Variants in PEX5L observed in about 807,000 individuals in gnomAD.
PEX5L encodes the protein PEX5-related protein.
Under a neutral mutation model 84.0 loss-of-function variants are expected in PEX5L, and 30 were observed. The observed-to-expected ratio is 0.36, with a 90% CI of 0.27 to 0.48. The LOEUF is 0.48. Among genes scored for constraint, PEX5L ranks in the 20% least tolerant of loss-of-function variants. The pLI is 0.99. For missense variants in PEX5L, 533 were observed against 754.6 expected (o/e 0.71, Z 3.44); for synonymous variants, 270 against 283.1 (o/e 0.95, Z 0.46).
At chr3:179,954,153 A>C (rs1267968552) in intron 2 of PEX5L, among the ~76,000 whole-genome samples, 1 of 147,518 alleles carries the variant, frequency 6.8e-6, no homozygotes, top group Non-Finnish European at 1.5e-5. Context: ...TGCCTTGGAT[A>C]CATTTACTAT....
chr3:179,923,290 C>CAAAAAAA (rs34537913), intron 2 of PEX5L, among the ~76,000 whole-genome samples: 27 of 81,044 alleles, frequency 3.3e-4, no homozygotes, highest in East Asian at 9.0e-4. Context: ...GACTCCATCT[C>CAAAAAAA]AAAAAAAAAA....
In PEX5L at chr3:180,010,393, G is replaced by A. The variant is rs75355465; in HGVS notation, c.21+26186C>T. ...TTTTGATTATTATAACTGGGAGGGT[G>A]CTAGTGGCATCTAGTGGGTAGACAA... On this transcript the variant is annotated intron_variant, in intron 1 of 14. Coordinates refer to ENST00000467460, the MANE Select transcript of PEX5L (RefSeq NM_016559.3). Among the ~76,000 whole-genome samples, 886 of 151,888 alleles carry A rather than the reference G, an allele frequency of 5.8e-3. 9 individuals carry two copies. The highest frequency in any genetic ancestry group is 0.02 in the African/African-American group (848 of 41,386).
intron 1 of PEX5L, chr3:179,973,875 T>C (rs1785380334): frequency 1.0e-6 from 1 of 985,374 alleles, no homozygotes; most frequent in African/African-American, 1.7e-5. Context: ...CTTAAACCTC[T>C]AGTCTCCAAA....
At chr3:179,890,416 C>T (rs955595681) in intron 3 of PEX5L, among the ~76,000 whole-genome samples, 3 of 152,092 alleles carry the variant, frequency 2.0e-5, no homozygotes, top group South Asian at 2.1e-4. Flanking sequence ...TTGTATAAAG[C>T]GCAAAGACTA....
intron 1 of PEX5L, among the ~76,000 whole-genome samples, chr3:180,024,693 A>C (rs1004681269): frequency 6.6e-6 from 1 of 151,898 alleles, no homozygotes; most frequent in Middle Eastern, 3.4e-3. Context: ...TGTGTGTGAG[A>C]GAGAGAGAGA....
intron 8 of PEX5L, among the ~76,000 whole-genome samples, chr3:179,858,398 GT>G (rs903786227): frequency 2.0e-5 from 3 of 151,464 alleles, no homozygotes; most frequent in Admixed American, 1.3e-4. Flanking sequence ...GTTTATTTAG[GT>G]TTTTTTTCTT....
intron 7 of PEX5L, among the ~76,000 whole-genome samples, chr3:179,861,375 T>A (rs1401708836): frequency 6.6e-6 from 1 of 152,128 alleles, no homozygotes. Context: ...GGATCTGGAG[T>A]GGCAGAGGTC....
intron 1 of PEX5L, among the ~76,000 whole-genome samples, chr3:180,016,562 A>G (rs1579357700): frequency 6.6e-6 from 1 of 152,178 alleles, no homozygotes; most frequent in South Asian, 2.1e-4. Context: ...GCTGATTTTT[A>G]TCACAAAAGA....
chr3:179,819,260 G>C (rs551889846), intron 9 of PEX5L, among the ~76,000 whole-genome samples: 5 of 152,052 alleles, frequency 3.3e-5, no homozygotes, highest in Non-Finnish European at 7.4e-5. Flanking sequence ...ATAAATCCTA[G>C]AGCAACTGGG....
chr3:179,813,830 C>T (rs1192289193), intron 10 of PEX5L, among the ~76,000 whole-genome samples: 1 of 152,054 alleles, frequency 6.6e-6, no homozygotes, highest in African/African-American at 2.4e-5. Flanking sequence ...GCGCCCGCCA[C>T]CGCGCCCGGC....
chr3:179,972,447 CT>C (rs1785008726), intron 1 of PEX5L, among the ~76,000 whole-genome samples: 2 of 151,872 alleles, frequency 1.3e-5, no homozygotes, highest in African/African-American at 2.4e-5. Flanking sequence ...ATGTCTGAGC[CT>C]TTTTTTCTCC....
chr3:179,872,112 T>C (rs1170386946), intron 7 of PEX5L, among the ~76,000 whole-genome samples: 1 of 152,180 alleles, frequency 6.6e-6, no homozygotes, highest in Non-Finnish European at 1.5e-5. Flanking sequence ...CTCAAACTCC[T>C]GGGCTCAAGT....
At chr3:179,820,829 A>G (rs2108961169) in intron 8 of PEX5L, among the ~76,000 whole-genome samples, 1 of 152,344 alleles carries the variant, frequency 6.6e-6, no homozygotes, top group South Asian at 2.1e-4. Context: ...GGCAGGAGGA[A>G]GAAGCAAACA....
At chr3:179,833,223 A>T (rs1286328326) in intron 8 of PEX5L, among the ~76,000 whole-genome samples, 1 of 152,222 alleles carries the variant, frequency 6.6e-6, no homozygotes, top group African/African-American at 2.4e-5. Context: ...TGAGTGAAGA[A>T]ATAAGAGGAT....
intron 1 of PEX5L, among the ~76,000 whole-genome samples, chr3:180,024,537 T>C (rs1050163741): frequency 3.3e-5 from 4 of 119,466 alleles, no homozygotes; most frequent in Non-Finnish European, 6.6e-5. Flanking sequence ...GGAGCGAGAC[T>C]CCGTTTCAAA....
chr3:179,957,476 C>A (rs1780871532), intron 2 of PEX5L, among the ~76,000 whole-genome samples: 1 of 152,114 alleles, frequency 6.6e-6, no homozygotes, highest in South Asian at 2.1e-4. Context: ...GCTCTCAGAC[C>A]ACTTCTGTAG....
At chr3:179,854,752 T>C (rs769954359) in intron 8 of PEX5L, among the ~76,000 whole-genome samples, 30 of 152,190 alleles carry the variant, frequency 2.0e-4, no homozygotes, top group Non-Finnish European at 3.8e-4. Context: ...TGATTATTCG[T>C]AGGCACCAGA....
chr3:179,875,527 AG>A (rs752792266), intron 5 of PEX5L, 50 bp from the exon 6 acceptor site: 4 of 760,994 alleles, frequency 5.3e-6, no homozygotes, highest in South Asian at 1.4e-5. Flanking sequence ...AGGGCGGGGT[AG>A]GGGGAGCGGT....
rs78233287 is a variant in PEX5L, at chr3:180,036,852, G to A, written c.-253C>T. 13 of 559,858 alleles carry A rather than the reference G, an allele frequency of 2.3e-5. No individual in the cohort carries two copies. The East Asian group carries it at 3.5e-4, about 15-fold the overall frequency. 34.7% of individuals were successfully genotyped at this position (559,858 alleles called of 1,614,324 possible). A position where few individuals can be genotyped will look rare whatever the true frequency, so the allele number is the denominator to read the frequency against. On this transcript the variant is annotated 5_prime_UTR_variant, in exon 1 of 15. Transcript: ENST00000467460. ...CGCAGAGAAGGCGAGGAGCCGGGTCGGCCAGGCTCTCCTGCAGGCGCGGGT... is the reference window on the plus strand; with the variant it reads ...CGCAGAGAAGGCGAGGAGCCGGGTCAGCCAGGCTCTCCTGCAGGCGCGGGT...
Sources: gnomAD v4.1 joint callset for allele counts (sites outside exome capture counted in the v4.1 genomes callset) on GRCh38, gnomAD v4.1.1 for gene constraint, MANE v1.5 for transcripts, NCBI Gene and HGNC (gene_info 2026-07-23, HGNC 2026-07-21) for gene names.